Variants in GRIA1 observed in about 807,000 individuals in gnomAD.
The protein encoded by GRIA1 is glutamate ionotropic receptor AMPA type subunit 1, also known as glutamate receptor 1.
Under a neutral mutation model 99.2 loss-of-function variants are expected in GRIA1, and 31 were observed. That is an observed-to-expected ratio of 0.31 (90% CI 0.23 to 0.42). The LOEUF is 0.42. Ranked by LOEUF, GRIA1 falls within the 10% of genes least tolerant of loss-of-function variation. GRIA1 has a pLI of 1.00. For missense variants in GRIA1, 782 were observed against 1,157.5 expected, an observed-to-expected ratio of 0.68 and a Z score of 4.71; for synonymous variants, 438 against 432.4, an observed-to-expected ratio of 1.01 and a Z score of -0.16.
At chr5:153,737,930 T>C (rs1481853924) in intron 11 of GRIA1, among the ~76,000 whole-genome samples, 1 of 152,188 alleles carries the variant, frequency 6.6e-6, no homozygotes, top group African/African-American at 2.4e-5. Context: ...CCATTTCTTA[T>C]TCCCAGGAAG....
rs141437467 is a variant in GRIA1 at position 153,647,153 on chromosome 5, A to G, written c.446A>G (p.Tyr149Cys). ...AAGTGGCAGAAATTTGTCTACATTT[A>G]TGATGCCGACCGGGGTAAGCCAAGG... ...HYKWQKFVYI[Y>C]DADRGLSVLQ... The change falls in exon 3 of 16, where the codon TAT becomes TGT. Residue 149 changes from tyrosine to cysteine, a missense_variant. This residue lies in a region of GRIA1 where 461 missense variants were observed against 521.7 expected (regional missense o/e 0.88). Coordinates refer to ENST00000285900, the MANE Select transcript of GRIA1 (RefSeq NM_000827.4). The G allele has an allele frequency of 6.2e-7, 1 of 1,613,890 alleles. No homozygotes were observed. The highest frequency in any genetic ancestry group is 2.2e-5 in the East Asian group (1 of 44,876).
intron 5 of GRIA1, 51 bp downstream of exon 5, chr5:153,655,923 C>T (rs757747867): frequency 2.6e-6 from 4 of 1,530,654 alleles, no homozygotes; most frequent in South Asian, 1.1e-5. Flanking sequence ...AGGTTTGGGG[C>T]CCTACCTTGC....
At chr5:153,624,855 A>G (rs539621814) in intron 2 of GRIA1, among the ~76,000 whole-genome samples, 26 of 152,348 alleles carry the variant, frequency 1.7e-4, no homozygotes, top group African/African-American at 6.3e-4. Context: ...AAAGTGTTCT[A>G]GAGCCTAAGG....
intron 11 of GRIA1, among the ~76,000 whole-genome samples, chr5:153,746,684 G>C (rs1257882618): frequency 6.6e-6 from 1 of 152,212 alleles, no homozygotes; most frequent in African/African-American, 2.4e-5. Flanking sequence ...TCTGGATGCA[G>C]AGAAACCATA....
intron 2 of GRIA1, among the ~76,000 whole-genome samples, chr5:153,575,651 A>G (rs1333937083): frequency 6.6e-6 from 1 of 152,314 alleles, no homozygotes; most frequent in East Asian, 1.9e-4. Flanking sequence ...TCGAAGTCAC[A>G]GCTAGACTAG....
At chr5:153,600,362 A>T (rs1248247609) in intron 2 of GRIA1, among the ~76,000 whole-genome samples, 2 of 128,834 alleles carry the variant, frequency 1.6e-5, no homozygotes, top group Admixed American at 2.0e-4. Context: ...GCTGCACTCC[A>T]GCCTGGGCGA....
At chr5:153,714,638 C>A (rs1759540465) in intron 11 of GRIA1, among the ~76,000 whole-genome samples, 1 of 152,134 alleles carries the variant, frequency 6.6e-6, no homozygotes. Flanking sequence ...TGTTCACCTG[C>A]AAAGAAGTAT....
chr5:153,743,132 A>T (rs543009812), intron 11 of GRIA1, among the ~76,000 whole-genome samples: 2 of 152,328 alleles, frequency 1.3e-5, no homozygotes, highest in Admixed American at 1.3e-4. Context: ...GAAAATAGAG[A>T]GGAGAAAAGT....
intron 2 of GRIA1, among the ~76,000 whole-genome samples, chr5:153,575,243 A>G (rs1240421358): frequency 1.3e-5 from 2 of 151,710 alleles, no homozygotes; most frequent in East Asian, 1.9e-4. Context: ...AAGAAGAACA[A>G]TATACTTGGA....
At chr5:153,735,049 A>C (rs555585567) in intron 11 of GRIA1, among the ~76,000 whole-genome samples, 1 of 152,292 alleles carries the variant, frequency 6.6e-6, no homozygotes, top group South Asian at 2.1e-4. Context: ...CAGGCTAGTG[A>C]TATTGTTAAA....
chr5:153,553,222 G>A (rs1161649945), intron 2 of GRIA1, among the ~76,000 whole-genome samples: 1 of 152,188 alleles, frequency 6.6e-6, no homozygotes, highest in Non-Finnish European at 1.5e-5. Context: ...CCCTGGTGAT[G>A]CTCATGGGAT....
chr5:153,778,190 AGAGTGT>A lies in GRIA1; in HGVS notation c.2270+7777_2270+7782del, dbSNP rs1226949095. Among the ~76,000 whole-genome samples, 310 of 141,610 alleles carry A rather than the reference AGAGTGT, an allele frequency of 2.2e-3. 2 individuals carry two copies. The South Asian group carries it at 0.022, about 10-fold the overall frequency. The allele number at this position is 141,610 out of a possible 152,430, so 92.9% of individuals were successfully genotyped here. Reference sequence around the variant, plus strand: ...GGCAGAGAGACAGAGAGAGAGAGAGAGAGTGTGTGTGTGTGTGTGTGTGTGTGTGTG... The same window carrying A: ...GGCAGAGAGACAGAGAGAGAGAGAGAGTGTGTGTGTGTGTGTGTGTGTGTG... On this transcript the variant is annotated intron_variant, in intron 13 of 15. Transcript: ENST00000285900.
In GRIA1 at chr5:153,699,065, G is replaced by T; in HGVS notation, c.1444G>T (p.Val482Phe). The T allele has an allele frequency of 6.2e-7, 1 of 1,611,272 alleles. No homozygotes were observed. Among genetic ancestry groups the T allele is most frequent in the East Asian group, 2.2e-5 (1 of 44,784 alleles). The change falls in exon 10 of 16, where the codon GTC becomes TTC. Residue 482 changes from valine to phenylalanine, a missense_variant. Physicochemically the swap from Val to Phe is conservative, Grantham distance 50. Coordinates refer to ENST00000285900, the MANE Select transcript of GRIA1 (RefSeq NM_000827.4). ...KAWNGMVGEL[V>F]YGRADVAVAP... ...CTGGAATGGCATGGTGGGAGAGCTG[G>T]TCTATGGAGTAAGTTCACTGCAGGG...
chr5:153,795,445 G>A (rs1396028316), intron 14 of GRIA1: 5 of 1,121,804 alleles, frequency 4.5e-6, no homozygotes, highest in Non-Finnish European at 6.8e-6. Context: ...CATTGGTAAT[G>A]TTATTTATGT....
At chr5:153,798,020 G>A (rs992684494) in intron 14 of GRIA1, among the ~76,000 whole-genome samples, 6 of 152,290 alleles carry the variant, frequency 3.9e-5, no homozygotes, top group South Asian at 2.1e-4. Flanking sequence ...TGTTTTGGGG[G>A]TGGGGACAAG....
intron 1 of GRIA1, chr5:153,492,148 AGT>A: frequency 6.9e-7 from 1 of 1,449,528 alleles, no homozygotes; most frequent in Non-Finnish European, 9.1e-7. Context: ...CTCTTTTGTG[AGT>A]GTGTGTTTGA....
intron 2 of GRIA1, chr5:153,573,382 A>C (rs895341312): frequency 1.3e-5 from 2 of 152,204 alleles, no homozygotes; most frequent in African/African-American, 4.8e-5. Context: ...CAACTCACCT[A>C]CTAGAATTGT....
chr5:153,593,301 C>T (rs1458324222), intron 2 of GRIA1, among the ~76,000 whole-genome samples: 2 of 152,000 alleles, frequency 1.3e-5, no homozygotes, highest in Non-Finnish European at 2.9e-5. Context: ...TCTGATTACC[C>T]CCCAAAGACT....
chr5:153,645,650 G>T (rs1406109974), intron 2 of GRIA1, among the ~76,000 whole-genome samples: 2 of 152,058 alleles, frequency 1.3e-5, no homozygotes, highest in African/African-American at 4.8e-5. Context: ...ATTTTTTAAG[G>T]AGCATCTTGT....
Sources: allele counts gnomAD v4.1 joint callset (sites outside exome capture counted in the v4.1 genomes callset), GRCh38; gene constraint gnomAD v4.1.1; regional missense constraint gnomAD v4.1.1; transcripts MANE v1.5; gene names NCBI Gene and HGNC (gene_info 2026-07-23, HGNC 2026-07-21).